Variants in PLEKHA5 observed in about 807,000 individuals in gnomAD.
The protein encoded by PLEKHA5 is pleckstrin homology domain containing A5, also known as pleckstrin homology domain-containing family A member 5.
In PLEKHA5, 55 loss-of-function variants were observed where a neutral mutation model predicts 181.9. The ratio of observed to expected loss-of-function variants is 0.30; its 90% CI spans 0.24 to 0.38. The LOEUF (loss-of-function observed/expected upper bound fraction) is 0.38. PLEKHA5 is among the 10% of genes least tolerant of loss of function. PLEKHA5 has a pLI of 1.00. For synonymous variants in PLEKHA5, 535 were observed against 529.4 expected (o/e 1.01, Z -0.15); for missense variants, 1,432 against 1,549.5 (o/e 0.92, Z 1.27).
intron 3 of PLEKHA5, among the ~76,000 whole-genome samples, chr12:19,230,904 C>T (rs2152380867): frequency 6.6e-6 from 1 of 152,314 alleles, no homozygotes; most frequent in Admixed American, 6.5e-5. Flanking sequence ...CACACTGTCA[C>T]CTCTCAATAT....
At chr12:19,263,298 G>A (rs1368166869) in intron 7 of PLEKHA5, among the ~76,000 whole-genome samples, 1 of 152,046 alleles carries the variant, frequency 6.6e-6, no homozygotes, top group African/African-American at 2.4e-5. Context: ...TGCACGCGAG[G>A]GGAAACTCAT....
chr12:19,173,005 C>T (rs375850034), intron 3 of PLEKHA5, among the ~76,000 whole-genome samples: 483 of 33,342 alleles, frequency 0.014, no homozygotes, highest in Middle Eastern at 0.056. Context: ...ATTTCCCTTT[C>T]TTTTTTTTTT....
At chr12:19,138,643 GGGCTGCCCTGGAAC>G (rs2036396921) in intron 3 of PLEKHA5, among the ~76,000 whole-genome samples, 1 of 152,036 alleles carries the variant, frequency 6.6e-6, no homozygotes. Flanking sequence ...AGCCTAGGCT[GGGCTGCCCTGGAAC>G]GACTTGAAGA....
At chr12:19,157,679 T>C (rs2042072241) in intron 3 of PLEKHA5, among the ~76,000 whole-genome samples, 1 of 152,196 alleles carries the variant, frequency 6.6e-6, no homozygotes, top group African/African-American at 2.4e-5. Context: ...TGAGCATTTA[T>C]GTACCTGTCA....
intron 3 of PLEKHA5, among the ~76,000 whole-genome samples, chr12:19,174,242 G>T (rs945677951): frequency 6.6e-6 from 1 of 152,132 alleles, no homozygotes; most frequent in African/African-American, 2.4e-5. Flanking sequence ...AGAGCAGTGG[G>T]CTCTTAAATA....
In PLEKHA5 at chr12:19,225,680, A is replaced by G. The variant is rs190565308; in HGVS notation, c.228-28260A>G. 9.2e-3 allele frequency among the ~76,000 whole-genome samples: 1,397 copies of G among 152,336 alleles called. 13 individuals carry two copies. Among genetic ancestry groups the G allele is most frequent in the Non-Finnish European group, 0.013 (877 of 68,032 alleles). ...CCAAAAAGTTTCCTCAAGGATCTTC[A>G]TAACTGTAAATTATTAGGATCTCCT... On this transcript the variant is annotated intron_variant, in intron 3 of 31. Transcript: ENST00000429027.
chr12:19,339,960 C>G (rs1404891864), intron 21 of PLEKHA5, among the ~76,000 whole-genome samples: 1 of 151,904 alleles, frequency 6.6e-6, no homozygotes. Flanking sequence ...AAACATGGTA[C>G]AGGAAAAAAT....
chr12:19,187,337 C>T (rs1384856183), intron 3 of PLEKHA5, among the ~76,000 whole-genome samples: 1 of 152,172 alleles, frequency 6.6e-6, no homozygotes, highest in East Asian at 1.9e-4. Flanking sequence ...TATTTAATAT[C>T]TCAGTTTCTG....
At chr12:19,286,402 A>G (rs1327087024) in intron 12 of PLEKHA5, among the ~76,000 whole-genome samples, 1 of 152,210 alleles carries the variant, frequency 6.6e-6, no homozygotes, top group Admixed American at 6.5e-5. Flanking sequence ...AGTGTCAAAG[A>G]TGAACATCTA....
intron 4 of PLEKHA5, among the ~76,000 whole-genome samples, chr12:19,254,557 A>C (rs1187660896): frequency 6.6e-6 from 1 of 152,196 alleles, no homozygotes. Flanking sequence ...ACAGTGGCTC[A>C]CGCCTGTAAT....
intron 3 of PLEKHA5, among the ~76,000 whole-genome samples, chr12:19,147,508 A>G (rs545789597): frequency 6.6e-6 from 1 of 152,210 alleles, no homozygotes; most frequent in East Asian, 1.9e-4. Context: ...AGTATGTGGT[A>G]TAGGATACCC....
At chr12:19,253,678 C>T (rs547716013) in intron 3 of PLEKHA5, among the ~76,000 whole-genome samples, 2 of 151,650 alleles carry the variant, frequency 1.3e-5, no homozygotes, top group East Asian at 4.0e-4. Context: ...ATTAACTGGG[C>T]GCGTGATGGT....
intron 3 of PLEKHA5, among the ~76,000 whole-genome samples, chr12:19,161,672 A>G (rs1363793364): frequency 6.6e-6 from 1 of 152,236 alleles, no homozygotes; most frequent in African/African-American, 2.4e-5. Context: ...CCAAACGTCT[A>G]TAGATTTAAA....
Position 19,297,874 on chromosome 12 carries a change from T to A in PLEKHA5, c.2037+6177T>A, listed in dbSNP as rs573522214. 4.8e-3 allele frequency among the ~76,000 whole-genome samples: 733 copies of A among 152,078 alleles called. 3 individuals carry two copies. The highest frequency in any genetic ancestry group is 0.014 in the Middle Eastern group (4 of 294). The stretch of plus-strand genomic sequence containing the variant: ...TGTGTCTTTTTATCAGTACATTTTT[T>A]AAAAAACAATTATCAAATTCTGAGG... On this transcript the variant is annotated intron_variant, in intron 15 of 31. Transcript: ENST00000429027.
chr12:19,345,714 G>A, intron 22 of PLEKHA5, 128 bp from the exon 23 acceptor site: 2 of 473,326 alleles, frequency 4.2e-6, no homozygotes, highest in Middle Eastern at 5.7e-4. Context: ...AGTGAGCTGA[G>A]ATCACGCCAC....
rs137967835 is a variant in PLEKHA5 at position 19,373,994 on chromosome 12, G to A, written c.*12-1537G>A. 7.0e-3 allele frequency among the ~76,000 whole-genome samples: 1,062 copies of A among 152,086 alleles called. 12 individuals carry two copies. Among genetic ancestry groups the A allele is most frequent in the African/African-American group, 0.024 (993 of 41,472 alleles). On this transcript the variant is annotated intron_variant, in intron 31 of 31. Coordinates refer to ENST00000429027, the MANE Select transcript of PLEKHA5 (RefSeq NM_001256470.2). ...ACTGTAATGAGGTATGATTATTGTC[G>A]GATATTTTCTAGTCTCATGGTATGC... is the stretch of plus-strand genomic sequence containing the variant.
chr12:19,217,222 A>G (rs1221711129), intron 3 of PLEKHA5, among the ~76,000 whole-genome samples: 2 of 152,190 alleles, frequency 1.3e-5, no homozygotes, highest in Admixed American at 6.6e-5. Context: ...ATAAACACCT[A>G]CTATGTGTTA....
chr12:19,235,919 T>G (rs1031831347), intron 3 of PLEKHA5, among the ~76,000 whole-genome samples: 2 of 152,188 alleles, frequency 1.3e-5, no homozygotes, highest in Non-Finnish European at 1.5e-5. Context: ...GTTACCTCTT[T>G]TTGGAGGATA....
chr12:19,309,744 CAA>C (rs59619350), intron 15 of PLEKHA5, among the ~76,000 whole-genome samples: 4 of 147,692 alleles, frequency 2.7e-5, no homozygotes, highest in Admixed American at 6.7e-5. Context: ...GACTCTGTCT[CAA>C]AAAAAAAAAT....
Sources: gnomAD v4.1 joint callset for allele counts (sites outside exome capture counted in the v4.1 genomes callset) on GRCh38, gnomAD v4.1.1 for gene constraint, MANE v1.5 for transcripts, NCBI Gene and HGNC (gene_info 2026-07-23, HGNC 2026-07-21) for gene names.